The following LRRC74A variants were observed in gnomAD, a reference collection of about 807,000 sequenced individuals.
The protein encoded by LRRC74A is leucine rich repeat containing 74A.
Under a neutral mutation model 57.9 loss-of-function variants are expected in LRRC74A, and 44 were observed. The ratio of observed to expected loss-of-function variants is 0.76; its 90% CI spans 0.60 to 0.98. The LOEUF (loss-of-function observed/expected upper bound fraction) is 0.98, where lower values mean the gene tolerates loss of function less well. LRRC74A is among the 50% of genes least tolerant of loss of function. The pLI is 0.00. For missense variants in LRRC74A, 572 were observed against 574.0 expected, an observed-to-expected ratio of 1.00 and a Z score of 0.04; for synonymous variants, 211 against 219.4, an observed-to-expected ratio of 0.96 and a Z score of 0.34.
intron 7 of LRRC74A, among the ~76,000 whole-genome samples, chr14:76,846,455 G>A (rs1897120139): frequency 6.6e-6 from 1 of 152,180 alleles, no homozygotes; most frequent in South Asian, 2.1e-4. Flanking sequence ...AAATGTGTGA[G>A]GAGGTTATTA....
chr14:76,854,340 G>T (rs997573173), intron 9 of LRRC74A, among the ~76,000 whole-genome samples: 1 of 152,358 alleles, frequency 6.6e-6, no homozygotes, highest in Middle Eastern at 3.4e-3. Context: ...AGGTGCGGTG[G>T]CTTATGCCTG....
chr14:76,867,550 C>G, intron 13 of LRRC74A, 112 bp downstream of exon 13: 1 of 615,020 alleles, frequency 1.6e-6, no homozygotes, highest in Non-Finnish European at 3.0e-6. Context: ...CTTCACCCAC[C>G]TGCCTGTTCC....
chr14:76,840,716 G>A (rs944624983), intron 5 of LRRC74A, among the ~76,000 whole-genome samples: 12 of 150,572 alleles, frequency 8.0e-5, no homozygotes, highest in Admixed American at 3.3e-4. Context: ...CCCGAGTAGC[G>A]GGGACTACAG....
chr14:76,845,325 A>G (rs571781511), intron 7 of LRRC74A, among the ~76,000 whole-genome samples: 1 of 151,906 alleles, frequency 6.6e-6, no homozygotes, highest in South Asian at 2.1e-4. Flanking sequence ...CCCTGTCTCA[A>G]AAGAAGAAGC....
At chr14:76,845,470 G>A (rs1034184688) in intron 7 of LRRC74A, among the ~76,000 whole-genome samples, 2 of 152,228 alleles carry the variant, frequency 1.3e-5, no homozygotes, top group East Asian at 3.9e-4. Context: ...ACTCAGGAAG[G>A]CTAAGGACTC....
intron 12 of LRRC74A, among the ~76,000 whole-genome samples, chr14:76,866,759 C>T (rs1248030943): frequency 6.6e-6 from 1 of 151,832 alleles, no homozygotes; most frequent in Non-Finnish European, 1.5e-5. Flanking sequence ...TGATCTCCTC[C>T]TGCCTTATTG....
intron 5 of LRRC74A, among the ~76,000 whole-genome samples, chr14:76,840,976 T>C (rs1219456226): frequency 1.3e-5 from 2 of 152,230 alleles, no homozygotes; most frequent in Non-Finnish European, 2.9e-5. Flanking sequence ...TAAGATGTTG[T>C]GACTAATACA....
In LRRC74A at chr14:76,826,729, CAGA is replaced by C; in HGVS notation, c.35_37del (p.Glu12del). ...AATGACAAGCCTCTTCAGCCTGAGA[CAGA>C]AGGTGAAAGGGCATCCCATCTCTCA... is the stretch of plus-strand genomic sequence containing the variant. On this transcript the variant is annotated inframe_deletion and splice_region_variant, in exon 1 of 14. Transcript: ENST00000689127. The C allele has an allele frequency of 5.3e-6, 8 of 1,517,944 alleles. No individual in the cohort carries two copies. Among genetic ancestry groups the C allele is most frequent in the Non-Finnish European group, 7.1e-6 (8 of 1,133,972 alleles). 94.0% of individuals were successfully genotyped at this position (1,517,944 alleles called of 1,614,324 possible).
Position 76,862,748 on chromosome 14 carries a change from C to T in LRRC74A, c.1200+1909C>T, listed in dbSNP as rs1004974714. 2.0e-5 allele frequency among the ~76,000 whole-genome samples: 3 copies of T among 152,154 alleles called. No individual in the cohort carries two copies. In the East Asian group the frequency reaches 5.8e-4, roughly 29 times the overall value. On this transcript the variant is annotated intron_variant, in intron 11 of 13. Transcript: ENST00000689127. The stretch of plus-strand genomic sequence containing the variant: ...GGGTGTTCCGGCGAGAGGCTCCTGC[C>T]AGCAAAGGTGCTGAGGTGGAACCGC...
Position 76,844,885 on chromosome 14 carries a change from C to A in LRRC74A, c.660C>A (p.His220Gln). ...HNQFSDVGGE[H>Q]LGQMLAINVG... ...AATTCTCTGATGTAGGAGGGGAGCACCTGGGCCAGATGCTGGGTGAGTCTC... is the reference window on the plus strand; with the variant it reads ...AATTCTCTGATGTAGGAGGGGAGCAACTGGGCCAGATGCTGGGTGAGTCTC... The change falls in exon 7 of 14, where the codon CAC (histidine) becomes CAA (glutamine). Residue 220 changes from histidine to glutamine, a missense_variant. Physicochemically the swap from His to Gln is conservative, Grantham distance 24 (BLOSUM62 0). Coordinates refer to ENST00000689127, the MANE Select transcript of LRRC74A (RefSeq NM_001385106.1). 1 of 1,579,412 alleles carries A rather than the reference C, an allele frequency of 6.3e-7. No homozygotes were observed. The highest frequency in any genetic ancestry group is 1.3e-5 in the African/African-American group (1 of 74,204).
intron 7 of LRRC74A, among the ~76,000 whole-genome samples, chr14:76,850,931 C>T (rs578055112): frequency 6.6e-6 from 1 of 152,202 alleles, no homozygotes; most frequent in Admixed American, 6.5e-5. Context: ...GGCAATTCCT[C>T]CCATTATCCT....
At chr14:76,864,627 A>G (rs1324733122) in intron 11 of LRRC74A, among the ~76,000 whole-genome samples, 1 of 152,058 alleles carries the variant, frequency 6.6e-6, no homozygotes, top group African/African-American at 2.4e-5. Flanking sequence ...GCTGGGGTGG[A>G]AGGATCACTT....
At chr14:76,835,914 C>T (rs1362356450) in intron 3 of LRRC74A, among the ~76,000 whole-genome samples, 2 of 152,202 alleles carry the variant, frequency 1.3e-5, no homozygotes, top group Non-Finnish European at 2.9e-5. Flanking sequence ...GTTCTGTCCC[C>T]TTAGGGCTAA....
At position 76,853,315 on chromosome 14, in the gene LRRC74A, G is replaced by A. The variant is rs574874334; in HGVS notation, c.862G>A (p.Val288Ile). The A allele has an allele frequency of 1.5e-5, 24 of 1,613,334 alleles. No homozygotes were observed. The highest frequency in any genetic ancestry group is 2.7e-5 in the African/African-American group (2 of 74,872). The change falls in exon 9 of 14, where the codon GTC (valine) becomes ATC (isoleucine). Residue 288 changes from valine (V) to isoleucine (I), a missense_variant. Val to Ile is a conservative substitution (Grantham distance 29). Coordinates refer to ENST00000689127, the MANE Select transcript of LRRC74A (RefSeq NM_001385106.1). Reference sequence around the variant, plus strand: ...AGTCCTCCGACTCAACCGCTGCCTGGTCTACCTGGATATCGGTGGCAATGA... The same window carrying A: ...AGTCCTCCGACTCAACCGCTGCCTGATCTACCTGGATATCGGTGGCAATGA... ...GEVLRLNRCL[V>I]YLDIGGNDIG...
At chr14:76,850,580 G>C (rs1897383756) in intron 7 of LRRC74A, among the ~76,000 whole-genome samples, 1 of 151,992 alleles carries the variant, frequency 6.6e-6, no homozygotes, top group Non-Finnish European at 1.5e-5. Flanking sequence ...TGAAAAATAA[G>C]AAATAGGCCC....
intron 4 of LRRC74A, among the ~76,000 whole-genome samples, chr14:76,837,266 C>T (rs1896421640): frequency 6.6e-6 from 1 of 152,070 alleles, no homozygotes; most frequent in Admixed American, 6.6e-5. Context: ...GTGATGGTTA[C>T]ACAATGTGAA....
rs759433222 is a variant in LRRC74A at position 76,828,337 on chromosome 14, C to T, written c.84C>T (p.Leu28=). Residue 28 remains leucine (L), a synonymous_variant, in exon 2 of 14, where the codon CTC becomes CTT. Coordinates refer to ENST00000689127, the MANE Select transcript of LRRC74A (RefSeq NM_001385106.1). ...EPVRQSSDKM[L]YCEAESPPTV... is the part of the protein sequence containing the mutation. ...TACGACAGAGCAGCGATAAAATGCT[C>T]TACTGTGAGGCCGAATCCCCGCCGA... is the stretch of plus-strand genomic sequence containing the variant. 1 of 1,613,174 alleles carries T rather than the reference C, an allele frequency of 6.2e-7. No homozygotes were observed. The highest frequency in any genetic ancestry group is 1.1e-5 in the South Asian group (1 of 91,074).
At chr14:76,850,535 A>G (rs1897380943) in intron 7 of LRRC74A, among the ~76,000 whole-genome samples, 1 of 152,134 alleles carries the variant, frequency 6.6e-6, no homozygotes, top group Non-Finnish European at 1.5e-5. Flanking sequence ...GGTTGACACA[A>G]AGAGAAGCAT....
In LRRC74A at chr14:76,826,489, C is replaced by A; in HGVS notation, c.-209C>A. 2 of 1,562,612 alleles carry A rather than the reference C, an allele frequency of 1.3e-6. No homozygotes were observed. Among genetic ancestry groups the A allele is most frequent in the South Asian group, 1.2e-5 (1 of 84,708 alleles). ...TACCTCTCCCAGACAGAGTTGGGGT[C>A]AAATTCATGCACATCCAATTCCCAT... is the stretch of plus-strand genomic sequence containing the variant. On this transcript the variant is annotated 5_prime_UTR_variant, in exon 1 of 14. An upstream open reading frame in the 5' UTR gains an earlier in-frame stop. Coordinates refer to ENST00000689127, the MANE Select transcript of LRRC74A (RefSeq NM_001385106.1).
Sources: allele counts gnomAD v4.1 joint callset (sites outside exome capture counted in the v4.1 genomes callset), GRCh38; gene constraint gnomAD v4.1.1; transcripts MANE v1.5; gene names NCBI Gene and HGNC (gene_info 2026-07-23, HGNC 2026-07-21).